The following ZNF679 variants were observed in gnomAD, a reference collection of about 807,000 sequenced individuals.
ZNF679 encodes the protein zinc finger protein 679.
A neutral mutation model predicts 13.4 loss-of-function variants in ZNF679; 10 were observed. That is an observed-to-expected ratio of 0.75 (90% CI 0.46 to 1.27). The LOEUF is 1.27. Among genes scored for constraint, ZNF679 ranks in the 50% most tolerant of loss-of-function variants. The probability of loss-of-function intolerance (pLI) is 0.00; values close to 1 mark genes in which losing one functional copy is unlikely to be tolerated. For synonymous variants in ZNF679, 179 were observed against 162.5 expected, an observed-to-expected ratio of 1.10 and a Z score of -0.77; for missense variants, 525 against 477.8, an observed-to-expected ratio of 1.10 and a Z score of -0.92.
chr7:64,249,841 G>T (rs894779158), intron 2 of ZNF679, among the ~76,000 whole-genome samples: 2 of 152,074 alleles, frequency 1.3e-5, no homozygotes, highest in Non-Finnish European at 2.9e-5. Flanking sequence ...TAATTTCCAA[G>T]AAATGCAATA....
chr7:64,236,949 GAA>G (rs772234318), intron 1 of ZNF679, among the ~76,000 whole-genome samples: 1 of 88,826 alleles, frequency 1.1e-5, no homozygotes, highest in Non-Finnish European at 2.1e-5. Flanking sequence ...AAGAAAGAAA[GAA>G]AGAAAGAAAG....
At chr7:64,249,293 G>C (rs917826929) in intron 2 of ZNF679, 137 bp downstream of exon 2, 11 of 1,409,126 alleles carry the variant, frequency 7.8e-6, no homozygotes, top group Non-Finnish European at 1.1e-5. Context: ...GCCCAGGTGG[G>C]CTGTTAGTCC....
At chr7:64,236,983 GAAAGAAAGAAAGAAAGAA>G (rs1562840404) in intron 1 of ZNF679, among the ~76,000 whole-genome samples, 5,722 of 65,448 alleles carry the variant, frequency 0.087, 574 homozygotes, top group African/African-American at 0.23. Flanking sequence ...GAAAAAGAAA[GAAAGAAAGAAAGAAAGAA>G]AAAGAAAGAA....
Position 64,260,892 on chromosome 7 carries a change from G to A in ZNF679, c.225G>A (p.Trp75Ter). Residue 75 changes from tryptophan (W) to a stop codon, truncating the protein, a stop_gained, in exon 4 of 5, where the codon TGG (tryptophan) becomes TGA (stop). Transcript: ENST00000421025. LOFTEE classifies it low-confidence loss of function (END_TRUNC). The stretch of plus-strand genomic sequence containing the variant: ...GTCTGGAGCAAAATAAAGAGCCTTG[G>A]AATATAAAGAGAAATGAGATGGTAA... Reference protein sequence around the residue: ...ITCLEQNKEPWNIKRNEMVTK... With the variant: ...ITCLEQNKEP The A allele has an allele frequency of 3.7e-6, 6 of 1,612,466 alleles. No homozygotes were observed. Among genetic ancestry groups the A allele is most frequent in the Non-Finnish European group, 5.1e-6 (6 of 1,179,546 alleles).
chr7:64,251,026 T>A (rs139005585), intron 2 of ZNF679, among the ~76,000 whole-genome samples: 1 of 152,320 alleles, frequency 6.6e-6, no homozygotes, highest in African/African-American at 2.4e-5. Flanking sequence ...TTATTACCTA[T>A]TTGTCCTTTC....
At chr7:64,236,453 G>A (rs184301918) in intron 1 of ZNF679, among the ~76,000 whole-genome samples, 5,042 of 145,178 alleles carry the variant, frequency 0.035, 126 homozygotes, top group East Asian at 0.14. Flanking sequence ...TTTGTGGGGG[G>A]AAAAAAAAAA....
intron 4 of ZNF679, among the ~76,000 whole-genome samples, chr7:64,263,250 C>A (rs903895223): frequency 1.3e-5 from 2 of 152,054 alleles, no homozygotes; most frequent in African/African-American, 4.8e-5. Context: ...CCCCACCATG[C>A]CCAGCTAATT....
At chr7:64,241,868 A>C (rs1021674881) in intron 1 of ZNF679, among the ~76,000 whole-genome samples, 16 of 152,254 alleles carry the variant, frequency 1.1e-4, no homozygotes, top group African/African-American at 3.4e-4. Context: ...ACACTGGGCC[A>C]AGACAATACA....
At position 64,266,133 on chromosome 7, in the gene ZNF679, A is replaced by G. The variant is rs538515952; in HGVS notation, c.500A>G (p.Lys167Arg). Residue 167 changes from lysine to arginine, a missense_variant, in exon 5 of 5, where the codon AAA becomes AGA. Coordinates refer to ENST00000421025, the MANE Select transcript of ZNF679 (RefSeq NM_153363.3). ...QTHKCVKVFG[K>R]FSNSNRHKTR... ...CATAAATGTGTCAAAGTCTTCGGCA[A>G]ATTTTCAAATTCCAATAGACATAAG... 6.2e-7 allele frequency: 1 copy of G among 1,607,924 alleles called. No homozygotes were observed. The highest frequency in any genetic ancestry group is 1.1e-5 in the South Asian group (1 of 90,666).
At chr7:64,239,626 G>A (rs964298618) in intron 1 of ZNF679, among the ~76,000 whole-genome samples, 1 of 152,190 alleles carries the variant, frequency 6.6e-6, no homozygotes, top group African/African-American at 2.4e-5. Context: ...CCTAGGTGAT[G>A]TAAATCTTCT....
intron 2 of ZNF679, among the ~76,000 whole-genome samples, chr7:64,257,244 A>G (rs1339104439): frequency 1.3e-5 from 2 of 151,528 alleles, no homozygotes; most frequent in African/African-American, 4.9e-5. Context: ...TGTTCTTATC[A>G]CTCCCTTAGC....
intron 3 of ZNF679, 103 bp downstream of exon 3, chr7:64,260,450 T>C: frequency 2.7e-6 from 4 of 1,495,660 alleles, no homozygotes; most frequent in Non-Finnish European, 3.6e-6. Flanking sequence ...TTTAGCTCTC[T>C]GATTTGAAGA....
intron 2 of ZNF679, among the ~76,000 whole-genome samples, chr7:64,250,392 C>G (rs1446686546): frequency 6.7e-6 from 1 of 149,720 alleles, no homozygotes; most frequent in Non-Finnish European, 1.5e-5. Context: ...GCCTCAGCCT[C>G]TTGAGTAGCT....
chr7:64,238,451 G>C (rs765448382), intron 1 of ZNF679, among the ~76,000 whole-genome samples: 1 of 152,074 alleles, frequency 6.6e-6, no homozygotes, highest in African/African-American at 2.4e-5. Context: ...GCAGTGGTGC[G>C]ATCTCAGCTC....
chr7:64,266,844 G>T lies in ZNF679; in HGVS notation c.1211G>T (p.Gly404Val). The T allele has an allele frequency of 6.3e-7, 1 of 1,585,002 alleles. No homozygotes were observed. Among genetic ancestry groups the T allele is most frequent in the Non-Finnish European group, 8.6e-7 (1 of 1,165,218 alleles). The part of the protein sequence containing the change: ...SLANHKSMHT[G>V]EKPYKCE ...GCTAATCATAAGAGTATGCATACTG[G>T]AGAGAAACCCTACAAATGTGAATAA... Residue 404 changes from glycine to valine, a missense_variant, in exon 5 of 5, where the codon GGA becomes GTA. By Grantham distance (109) the Gly-to-Val change is moderately radical. Transcript: ENST00000421025.
intron 1 of ZNF679, among the ~76,000 whole-genome samples, chr7:64,236,949 GAAAGAAAGAAAGAAAGAAAGAAAGAAA>G (rs1562840293): frequency 7.1e-4 from 63 of 88,858 alleles, no homozygotes; most frequent in East Asian, 5.7e-3. Flanking sequence ...AAGAAAGAAA[GAAAGAAAGAAAGAAAGAAAGAAAGAAA>G]AAGAAAGAAA....
chr7:64,235,329 G>C (rs1451085452), intron 1 of ZNF679, among the ~76,000 whole-genome samples: 1 of 146,612 alleles, frequency 6.8e-6, no homozygotes, highest in Non-Finnish European at 1.5e-5. Context: ...AATAACTTCT[G>C]AGATACAAAA....
At chr7:64,247,088 G>A (rs745500647) in intron 1 of ZNF679, among the ~76,000 whole-genome samples, 8 of 152,128 alleles carry the variant, frequency 5.3e-5, no homozygotes, top group Non-Finnish European at 7.3e-5. Flanking sequence ...AATGTCTTTC[G>A]CATGCTAATG....
At chr7:64,233,895 C>G (rs984716131) in intron 1 of ZNF679, among the ~76,000 whole-genome samples, 2 of 152,014 alleles carry the variant, frequency 1.3e-5, no homozygotes, top group African/African-American at 4.8e-5. Context: ...TTGTGAGAAA[C>G]AAGAACGAAG....
Sources: allele counts gnomAD v4.1 joint callset (sites outside exome capture counted in the v4.1 genomes callset), GRCh38; gene constraint gnomAD v4.1.1; transcripts MANE v1.5; gene names NCBI Gene and HGNC (gene_info 2026-07-23, HGNC 2026-07-21).